The following NBPF8 variants were observed in gnomAD, a reference collection of about 807,000 sequenced individuals.
The protein encoded by NBPF8 is NBPF family member NBPF8.
At chr1:120,419,338 C>T (rs1450248103), upstream of NBPF8, among the ~76,000 whole-genome samples, 1 of 152,156 alleles carries the variant, frequency 6.6e-6, no homozygotes, top group Non-Finnish European at 1.5e-5. Flanking sequence ...ACCAGATAGA[C>T]CAGTAGATGA....
exon 15 of NBPF8, chr1:120,454,078 C>A: frequency 6.2e-7 from 1 of 1,613,256 alleles, no homozygotes; most frequent in Middle Eastern, 1.9e-4. Flanking sequence ...CTCATCCTCT[C>A]ATGTTGAATG....
chr1:120,431,754 G>C (rs1660886860), upstream of NBPF8, among the ~76,000 whole-genome samples: 2 of 151,900 alleles, frequency 1.3e-5, no homozygotes, highest in South Asian at 4.2e-4. Context: ...CAGATAGACA[G>C]TCATTCCATT....
chr1:120,465,872 C>A (rs1661729517), intron 24 of NBPF8, 106 bp from the exon 23 acceptor site: 1 of 1,610,326 alleles, frequency 6.2e-7, no homozygotes, highest in Non-Finnish European at 8.5e-7. Flanking sequence ...ATGGATCTGT[C>A]CTTTTTCTTT....
exon 25 of NBPF8, chr1:120,466,382 G>C: frequency 9.1e-7 from 1 of 1,097,274 alleles, no homozygotes; most frequent in Non-Finnish European, 1.3e-6. Context: ...GGCAACCTGT[G>C]CTCAGTCTGA....
chr1:120,417,825 T>C (rs1477022973), upstream of NBPF8, among the ~76,000 whole-genome samples: 1 of 146,762 alleles, frequency 6.8e-6, no homozygotes, highest in Non-Finnish European at 1.5e-5. Flanking sequence ...GGTCTCAAAC[T>C]CTTGGGCTCA....
chr1:120,453,594 C>T lies in NBPF8; in HGVS notation n.2362+150C>T, dbSNP rs1457206224. The stretch of plus-strand genomic sequence containing the variant: ...TATAACCCAGCTTAGACACAGGGTG[C>T]GGTAGCTGTCATGTTTCTCTATGTG... On this transcript the variant is annotated intron_variant and non_coding_transcript_variant, in intron 14 of 24. Transcript: ENST00000583271. 5.7e-5 allele frequency: 49 copies of T among 862,854 alleles called. 1 individual carries two copies. The highest frequency in any genetic ancestry group is 3.1e-4 in the African/African-American group (18 of 57,784). The allele number at this position is 862,854 out of a possible 1,614,324, so 53.4% of individuals were successfully genotyped here.
chr1:120,420,565 A>G (rs1660545824), intron 1 of NBPF8, among the ~76,000 whole-genome samples: 1 of 149,188 alleles, frequency 6.7e-6, no homozygotes, highest in African/African-American at 2.5e-5. Flanking sequence ...CTGGGTGGGG[A>G]GATGTGTGTG....
intron 11 of NBPF8, among the ~76,000 whole-genome samples, chr1:120,450,441 C>A (rs1240713716): frequency 6.6e-6 from 1 of 152,098 alleles, no homozygotes; most frequent in East Asian, 1.9e-4. Flanking sequence ...TTGTCTGTCC[C>A]TCAGTTTCCT....
intron 3 of NBPF8, among the ~76,000 whole-genome samples, chr1:120,430,717 C>A (rs1660852904): frequency 7.4e-6 from 1 of 134,634 alleles, no homozygotes; most frequent in Admixed American, 8.1e-5. Context: ...CGCATCACTG[C>A]ACTCCAGCCT....
intron 1 of NBPF8, among the ~76,000 whole-genome samples, chr1:120,425,301 A>G (rs1660691916): frequency 6.6e-6 from 1 of 152,106 alleles, no homozygotes; most frequent in African/African-American, 2.4e-5. Flanking sequence ...CCGATTGTAT[A>G]TTCCATTTAC....
exon 23 of NBPF8, chr1:120,464,504 A>T (rs2101701296): frequency 1.9e-6 from 2 of 1,079,248 alleles, no homozygotes; most frequent in East Asian, 4.7e-5. Context: ...AGTTCCTTTT[A>T]TGCATTGGAG....
At chr1:120,452,019 T>C in intron 12 of NBPF8, 98 bp from the exon 11 acceptor site, 1 of 1,330,284 alleles carries the variant, frequency 7.5e-7, no homozygotes, top group Non-Finnish European at 1.1e-6. Context: ...TGTTTCAAGG[T>C]CTCCTTGAGG....
chr1:120,425,154 C>T (rs1200599818), intron 1 of NBPF8, among the ~76,000 whole-genome samples: 20 of 152,026 alleles, frequency 1.3e-4, no homozygotes, highest in Non-Finnish European at 2.5e-4. Flanking sequence ...CTGACTGTCC[C>T]CCAGCCAGAC....
chr1:120,450,417 C>T (rs1222504165), intron 11 of NBPF8, among the ~76,000 whole-genome samples: 1 of 151,818 alleles, frequency 6.6e-6, no homozygotes, highest in East Asian at 1.9e-4. Flanking sequence ...TGGGATCCAT[C>T]CAAGTTGCTT....
intron 1 of NBPF8, among the ~76,000 whole-genome samples, chr1:120,421,583 T>C (rs1424715681): frequency 1.3e-5 from 2 of 150,326 alleles, no homozygotes; most frequent in Admixed American, 6.6e-5. Context: ...TTCTTTTCTT[T>C]TTCTTTGTCT....
upstream of NBPF8, among the ~76,000 whole-genome samples, chr1:120,416,239 G>T (rs1660433029): frequency 7.0e-6 from 1 of 142,558 alleles, no homozygotes; most frequent in African/African-American, 2.7e-5. Flanking sequence ...CTAGCTTTAA[G>T]ATTTCTGAGA....
intron 11 of NBPF8, among the ~76,000 whole-genome samples, chr1:120,450,098 G>A (rs1464178026): frequency 1.3e-5 from 2 of 152,050 alleles, no homozygotes; most frequent in African/African-American, 2.4e-5. Context: ...GTGGTGGCAG[G>A]TGACTGTAAT....
chr1:120,424,018 G>T (rs1485458635), intron 1 of NBPF8, among the ~76,000 whole-genome samples: 3 of 151,904 alleles, frequency 2.0e-5, no homozygotes, highest in African/African-American at 4.8e-5. Context: ...TTGATTTATC[G>T]AATTGTGCAG....
At chr1:120,456,388 G>T (rs1465311065) in intron 16 of NBPF8, among the ~76,000 whole-genome samples, 1 of 148,318 alleles carries the variant, frequency 6.7e-6, no homozygotes, top group African/African-American at 2.6e-5. Flanking sequence ...CATTATGATT[G>T]TGTGGAGTCT....
Sources: gnomAD v4.1 joint callset for allele counts (sites outside exome capture counted in the v4.1 genomes callset) on GRCh38, gnomAD v4.1.1 for gene constraint, MANE v1.5 for transcripts, NCBI Gene and HGNC (gene_info 2026-07-23, HGNC 2026-07-21) for gene names.